Variants in CMIP observed in about 807,000 individuals in gnomAD.
The protein encoded by CMIP is c-Maf inducing protein.
CMIP carries 13 observed loss-of-function variants against 97.3 expected under a neutral mutation model. The ratio of observed to expected loss-of-function variants is 0.13; its 90% CI spans 0.09 to 0.21. The LOEUF is 0.21. CMIP is among the 10% of genes least tolerant of loss of function. The probability of loss-of-function intolerance (pLI) is 1.00; values close to 1 mark genes in which losing one functional copy is unlikely to be tolerated. For synonymous variants in CMIP, 538 were observed against 436.3 expected, an observed-to-expected ratio of 1.23 and a Z score of -2.91; for missense variants, 847 against 1,024.9, an observed-to-expected ratio of 0.83 and a Z score of 2.37.
intron 1 of CMIP, among the ~76,000 whole-genome samples, chr16:81,496,619 G>A (rs1244133278): frequency 6.6e-6 from 1 of 152,234 alleles, no homozygotes; most frequent in East Asian, 1.9e-4. Context: ...TAAATTTGGT[G>A]AGCTTTTGTG....
chr16:81,449,414 A>G (rs1906066894), intron 1 of CMIP, among the ~76,000 whole-genome samples: 1 of 152,182 alleles, frequency 6.6e-6, no homozygotes, highest in South Asian at 2.1e-4. Context: ...GACTTTGTTT[A>G]GCACAGGCTT....
chr16:81,588,929 G>C (rs2091425165), intron 1 of CMIP, among the ~76,000 whole-genome samples: 1 of 152,140 alleles, frequency 6.6e-6, no homozygotes, highest in African/African-American at 2.4e-5. Flanking sequence ...CTCTAGCTGG[G>C]AGTCTCACAG....
At chr16:81,504,238 A>G (rs2089663457) in intron 1 of CMIP, among the ~76,000 whole-genome samples, 1 of 152,080 alleles carries the variant, frequency 6.6e-6, no homozygotes, top group South Asian at 2.1e-4. Flanking sequence ...AGGCAGGAGA[A>G]TCGCTTGAAC....
At chr16:81,461,695 A>T (rs899511949) in intron 1 of CMIP, among the ~76,000 whole-genome samples, 2 of 152,198 alleles carry the variant, frequency 1.3e-5, no homozygotes, top group African/African-American at 4.8e-5. Context: ...TGGGTTAAAC[A>T]AAGTGTGGTA....
intron 1 of CMIP, among the ~76,000 whole-genome samples, chr16:81,515,409 A>C (rs1371239135): frequency 6.6e-6 from 1 of 152,190 alleles, no homozygotes; most frequent in Non-Finnish European, 1.5e-5. Flanking sequence ...GTGGCGATGT[A>C]AGGAGAGGCA....
intron 4 of CMIP, among the ~76,000 whole-genome samples, chr16:81,654,231 TTTA>T (rs58919554): frequency 1.2e-4 from 18 of 150,728 alleles, no homozygotes; most frequent in Non-Finnish European, 1.0e-4. Context: ...CTCCTTGGGC[TTTA>T]TTATTATTAT....
intron 1 of CMIP, among the ~76,000 whole-genome samples, chr16:81,475,035 T>C (rs1459858357): frequency 6.6e-6 from 1 of 152,208 alleles, no homozygotes; most frequent in African/African-American, 2.4e-5. Flanking sequence ...CACCGTGGCC[T>C]TGTGGCTTCA....
chr16:81,620,680 C>T (rs2091980674), intron 2 of CMIP, 196 bp from the exon 3 acceptor site: 2 of 581,606 alleles, frequency 3.4e-6, no homozygotes, highest in Non-Finnish European at 3.1e-6. Flanking sequence ...TTTAGGAAAT[C>T]CTCCCTGACC....
chr16:81,636,937 A>G (rs2092244773), intron 3 of CMIP, among the ~76,000 whole-genome samples: 1 of 150,718 alleles, frequency 6.6e-6, no homozygotes, highest in Non-Finnish European at 1.5e-5. Context: ...ACTTAACAGC[A>G]TGTTGTGCAG....
intron 13 of CMIP, among the ~76,000 whole-genome samples, chr16:81,693,878 C>T (rs1016378811): frequency 1.3e-5 from 2 of 152,180 alleles, no homozygotes; most frequent in Non-Finnish European, 2.9e-5. Context: ...TTTTATTTCC[C>T]GGTCATGGTG....
chr16:81,638,915 C>G (rs2092269971), intron 3 of CMIP, among the ~76,000 whole-genome samples: 1 of 152,130 alleles, frequency 6.6e-6, no homozygotes, highest in Non-Finnish European at 1.5e-5. Flanking sequence ...AGGCCCACCC[C>G]ACACCCGGCC....
chr16:81,588,274 C>G (rs2091414301), intron 1 of CMIP, among the ~76,000 whole-genome samples: 1 of 152,162 alleles, frequency 6.6e-6, no homozygotes, highest in African/African-American at 2.4e-5. Context: ...GAAAAAGTAC[C>G]CAAGTCTGTC....
rs1432663024 is a variant in CMIP, at chr16:81,664,257, C to T, written c.745-12C>T. 3.8e-6 allele frequency: 6 copies of T among 1,591,060 alleles called. No individual in the cohort carries two copies. The highest frequency in any genetic ancestry group is 5.1e-6 in the Non-Finnish European group (6 of 1,169,368). Reference sequence around the variant, plus strand: ...TTAGGGCCGCAGTAACTGTACCCCACTCTGTCCCCAGCACTGCAGAGAGCG... The same window carrying T: ...TTAGGGCCGCAGTAACTGTACCCCATTCTGTCCCCAGCACTGCAGAGAGCG... On this transcript the variant is annotated splice_polypyrimidine_tract_variant and intron_variant, in intron 6 of 20. Transcript: ENST00000537098.
At chr16:81,706,579 G>T (rs1395759723) in intron 19 of CMIP, among the ~76,000 whole-genome samples, 2 of 152,200 alleles carry the variant, frequency 1.3e-5, no homozygotes, top group African/African-American at 4.8e-5. Flanking sequence ...GGAGGGGTCT[G>T]CCCCCCGTGC....
chr16:81,566,614 C>T (rs1217800382), intron 1 of CMIP, among the ~76,000 whole-genome samples: 1 of 152,222 alleles, frequency 6.6e-6, no homozygotes, highest in African/African-American at 2.4e-5. Flanking sequence ...TGCATTCATT[C>T]CTGCTTCTCC....
At chr16:81,491,231 G>A (rs1029895159) in intron 1 of CMIP, among the ~76,000 whole-genome samples, 11 of 152,162 alleles carry the variant, frequency 7.2e-5, no homozygotes, top group Admixed American at 4.6e-4. Context: ...CTGGAGTGCC[G>A]GTGTCTGGGG....
intron 1 of CMIP, among the ~76,000 whole-genome samples, chr16:81,460,839 G>A (rs1325560452): frequency 2.0e-5 from 3 of 152,218 alleles, no homozygotes; most frequent in Admixed American, 6.5e-5. Context: ...TGGTGGTGGT[G>A]ATGATGACGG....
In CMIP at chr16:81,614,793, GCCTGA is replaced by G. The variant is rs1402800732; in HGVS notation, c.427-6082_427-6078del. On this transcript the variant is annotated intron_variant, in intron 2 of 20. Coordinates refer to ENST00000537098, the MANE Select transcript of CMIP (RefSeq NM_198390.3). The surrounding 1 kb of genome is among the most constrained non-coding windows in gnomAD (Gnocchi z 5.3). ...GTGTGTGGTATGTGTGCATGTGTGT[GCCTGA>G]TATGTGTGTTTATATGTGGTATGTA... Among the ~76,000 whole-genome samples, 3 of 151,400 alleles carry G rather than the reference GCCTGA, an allele frequency of 2.0e-5. No homozygotes were observed. The East Asian group carries it at 5.9e-4, about 30-fold the overall frequency.
intron 1 of CMIP, among the ~76,000 whole-genome samples, chr16:81,555,729 C>A (rs1040851323): frequency 1.3e-5 from 2 of 152,160 alleles, no homozygotes; most frequent in Non-Finnish European, 2.9e-5. Context: ...GAAGGAGAAA[C>A]GTCCCCACCT....
Sources: gnomAD v4.1 joint callset for allele counts (sites outside exome capture counted in the v4.1 genomes callset) on GRCh38, gnomAD v4.1.1 for gene constraint, Gnocchi (gnomAD v3.1) non-coding constraint, MANE v1.5 for transcripts, NCBI Gene and HGNC (gene_info 2026-07-23, HGNC 2026-07-21) for gene names.